RAC1: variants seen among roughly 807,000 people sequenced by gnomAD.
RAC1 encodes the protein Rac family small GTPase 1.
A neutral mutation model predicts 25.2 loss-of-function variants in RAC1; 2 were observed. That is an observed-to-expected ratio of 0.08 (90% CI 0.03 to 0.25). The LOEUF is 0.25. Ranked by LOEUF, RAC1 falls within the 10% of genes least tolerant of loss-of-function variation. The probability of loss-of-function intolerance (pLI) is 1.00; values close to 1 mark genes in which losing one functional copy is unlikely to be tolerated. For synonymous variants in RAC1, 88 were observed against 94.0 expected, an observed-to-expected ratio of 0.94 and a Z score of 0.37; for missense variants, 50 against 235.7, an observed-to-expected ratio of 0.21 and a Z score of 5.16.
chr7:6,388,654 G>T (rs536490126), intron 2 of RAC1, among the ~76,000 whole-genome samples: 38 of 152,128 alleles, frequency 2.5e-4, no homozygotes, highest in Admixed American at 2.4e-3. Flanking sequence ...TTTACTGTAA[G>T]TGGAATCATG....
Position 6,402,913 on chromosome 7 carries a change from A to G in RAC1, c.*467A>G, listed in dbSNP as rs836552. On this transcript the variant is annotated 3_prime_UTR_variant, in exon 6 of 6. Coordinates refer to ENST00000348035, the MANE Select transcript of RAC1 (RefSeq NM_006908.5). ...AGTTCTCAGATGCGTAAAGCAGAAC[A>G]GCCTCCCGAATGAAGCGTTGCCATT... is the stretch of plus-strand genomic sequence containing the variant. 31 of 192,232 alleles carry G rather than the reference A, an allele frequency of 1.6e-4. No homozygotes were observed. In the East Asian group the frequency reaches 2.3e-3, roughly 14 times the overall value. The allele number at this position is 192,232 out of a possible 1,614,324, so 11.9% of individuals were successfully genotyped here.
At chr7:6,391,149 C>T (rs1257673682) in intron 2 of RAC1, among the ~76,000 whole-genome samples, 4 of 152,122 alleles carry the variant, frequency 2.6e-5, no homozygotes, top group South Asian at 2.1e-4. Flanking sequence ...CCGCCCACCT[C>T]GGCCTCCCAA....
chr7:6,382,785 A>T (rs1782807843), intron 1 of RAC1, among the ~76,000 whole-genome samples: 1 of 152,236 alleles, frequency 6.6e-6, no homozygotes, highest in Non-Finnish European at 1.5e-5. Flanking sequence ...AGGCAGGAGA[A>T]TTGTTCGAAC....
chr7:6,402,669 T>C lies in RAC1; in HGVS notation c.*223T>C, dbSNP rs1286026073. ...AATGTAAGAGTTCAGACTCACATTC[T>C]ATTAAAATTTAGCCCTAAAATGACA... On this transcript the variant is annotated 3_prime_UTR_variant, in exon 6 of 6. Coordinates refer to ENST00000348035, the MANE Select transcript of RAC1 (RefSeq NM_006908.5). 4 of 400,862 alleles carry C rather than the reference T, an allele frequency of 1.0e-5. No homozygotes were observed. Among genetic ancestry groups the C allele is most frequent in the Non-Finnish European group, 1.7e-5 (4 of 235,710 alleles). The allele number at this position is 400,862 out of a possible 1,614,324, so 24.8% of individuals were successfully genotyped here. A position where few individuals can be genotyped will look rare whatever the true frequency, so the allele number is the denominator to read the frequency against.
chr7:6,390,096 CTTTTTT>C (rs34547258), intron 2 of RAC1, among the ~76,000 whole-genome samples: 2 of 74,912 alleles, frequency 2.7e-5, no homozygotes, highest in East Asian at 7.7e-4. Flanking sequence ...CCCTCCCTCC[CTTTTTT>C]TTTTTTTTTT....
At chr7:6,397,227 C>CGA (rs1562469000) in intron 3 of RAC1, among the ~76,000 whole-genome samples, 2 of 135,326 alleles carry the variant, frequency 1.5e-5, no homozygotes, top group Non-Finnish European at 3.1e-5. Flanking sequence ...GGCGACAGAG[C>CGA]GAGACTCTGT....
rs1344269759 is a variant in RAC1 at position 6,402,665 on chromosome 7, A to T, written c.*219A>T. ...TCTAAATGTAAGAGTTCAGACTCAC[A>T]TTCTATTAAAATTTAGCCCTAAAAT... On this transcript the variant is annotated 3_prime_UTR_variant, in exon 6 of 6. Coordinates refer to ENST00000348035, the MANE Select transcript of RAC1 (RefSeq NM_006908.5). 2 of 415,618 alleles carry T rather than the reference A, an allele frequency of 4.8e-6. No homozygotes were observed. Among genetic ancestry groups the T allele is most frequent in the East Asian group, 8.5e-5 (2 of 23,654 alleles). The allele number at this position is 415,618 out of a possible 1,614,324, so 25.7% of individuals were successfully genotyped here.
chr7:6,384,279 T>C lies in RAC1; in HGVS notation c.36-2933T>C, dbSNP rs180710198. On this transcript the variant is annotated intron_variant, in intron 1 of 5. Transcript: ENST00000348035. ...GGTCCAGGCCACCATGGATGGCTCC[T>C]GGACTGTAGCAACAGCTTCCATGTG... is the stretch of plus-strand genomic sequence containing the variant. Among the ~76,000 whole-genome samples the C allele has an allele frequency of 1.4e-4, 21 of 152,254 alleles. No homozygotes were observed. In the East Asian group the frequency reaches 1.5e-3, roughly 11 times the overall value.
intron 1 of RAC1, among the ~76,000 whole-genome samples, chr7:6,386,157 A>G (rs1033933129): frequency 3.3e-5 from 5 of 152,140 alleles, no homozygotes; most frequent in East Asian, 1.9e-4. Flanking sequence ...AAGTATTTCT[A>G]CACACTTCTC....
chr7:6,395,070 G>A (rs1783194261), intron 3 of RAC1, among the ~76,000 whole-genome samples: 1 of 152,078 alleles, frequency 6.6e-6, no homozygotes. Context: ...TAGCCAGGAT[G>A]GTCTTGATCT....
At chr7:6,381,183 A>G (rs1194622458) in intron 1 of RAC1, among the ~76,000 whole-genome samples, 1 of 152,114 alleles carries the variant, frequency 6.6e-6, no homozygotes, top group Non-Finnish European at 1.5e-5. Context: ...TTGAAAAAGA[A>G]TAGGGACTGT....
At position 6,401,981 on chromosome 7, in the gene RAC1, G is replaced by A. The variant is rs1244690273; in HGVS notation, c.402G>A (p.Leu134=). 6 of 1,614,072 alleles carry A rather than the reference G, an allele frequency of 3.7e-6. No individual in the cohort carries two copies. The African/African-American group carries it at 5.3e-5, about 14-fold the overall frequency. ...TCGAGAAACTGAAGGAGAAGAAGCT[G>A]ACTCCCATCACCTATCCGCAGGGTC... ...DTIEKLKEKK[L]TPITYPQGLA... Residue 134 remains leucine, a synonymous_variant, in exon 5 of 6, where the codon CTG becomes CTA. Transcript: ENST00000348035.
At position 6,402,859 on chromosome 7, in the gene RAC1, A is replaced by G. The variant is rs927443723; in HGVS notation, c.*413A>G. ...TGAGAAGACGGTAGCTTCTGCAGTT[A>G]GGAGGTGCAGACACTTGCTCTCCTA... On this transcript the variant is annotated 3_prime_UTR_variant, in exon 6 of 6. Coordinates refer to ENST00000348035, the MANE Select transcript of RAC1 (RefSeq NM_006908.5). 6.0e-5 allele frequency: 12 copies of G among 200,868 alleles called. No individual in the cohort carries two copies. The highest frequency in any genetic ancestry group is 1.0e-5 in the Non-Finnish European group (1 of 97,254). 12.4% of individuals were successfully genotyped at this position (200,868 alleles called of 1,614,324 possible).
intron 1 of RAC1, among the ~76,000 whole-genome samples, chr7:6,384,020 C>T (rs1425505173): frequency 1.3e-5 from 2 of 151,882 alleles, no homozygotes; most frequent in Non-Finnish European, 1.5e-5. Flanking sequence ...TTCTCGAATT[C>T]CTGACCTCAG....
At chr7:6,390,758 T>A (rs1783071032) in intron 2 of RAC1, among the ~76,000 whole-genome samples, 1 of 152,198 alleles carries the variant, frequency 6.6e-6, no homozygotes, top group African/African-American at 2.4e-5. Flanking sequence ...CATTTAGGAC[T>A]TATTTTTGGT....
At chr7:6,390,823 A>G (rs1037083313) in intron 2 of RAC1, among the ~76,000 whole-genome samples, 8 of 152,188 alleles carry the variant, frequency 5.3e-5, no homozygotes, top group Admixed American at 6.5e-5. Flanking sequence ...AAAAGTCACA[A>G]TACTATTTAT....
intron 4 of RAC1, among the ~76,000 whole-genome samples, chr7:6,400,414 T>G (rs1006549943): frequency 1.3e-5 from 2 of 152,016 alleles, no homozygotes; most frequent in African/African-American, 4.8e-5. Flanking sequence ...ACTGTAGCCT[T>G]GAACTCCTGG....
chr7:6,390,055 C>G (rs1398339462), intron 2 of RAC1, among the ~76,000 whole-genome samples: 1 of 128,294 alleles, frequency 7.8e-6, no homozygotes, highest in East Asian at 2.5e-4. Flanking sequence ...CCTTCCTTCT[C>G]CTTTCTTTTC....
At chr7:6,380,964 G>C (rs192446622) in intron 1 of RAC1, among the ~76,000 whole-genome samples, 1 of 152,134 alleles carries the variant, frequency 6.6e-6, no homozygotes, top group Non-Finnish European at 1.5e-5. Flanking sequence ...CGCATCCCAG[G>C]TTCAGGCGAT....
Sources: gnomAD v4.1 joint callset for allele counts (sites outside exome capture counted in the v4.1 genomes callset) on GRCh38, gnomAD v4.1.1 for gene constraint, MANE v1.5 for transcripts, NCBI Gene and HGNC (gene_info 2026-07-23, HGNC 2026-07-21) for gene names.